TRAPPC8: variants seen among roughly 807,000 people sequenced by gnomAD.
TRAPPC8 encodes trafficking protein particle complex subunit 8.
TRAPPC8 carries 54 observed loss-of-function variants against 174.3 expected under a neutral mutation model. The observed-to-expected ratio is 0.31, with a 90% CI of 0.25 to 0.39. The LOEUF (loss-of-function observed/expected upper bound fraction) is 0.39. TRAPPC8 is among the 10% of genes least tolerant of loss of function. The pLI is 1.00. For missense variants in TRAPPC8, 1,531 were observed against 1,699.1 expected, an observed-to-expected ratio of 0.90 and a Z score of 1.74; for synonymous variants, 630 against 579.9, an observed-to-expected ratio of 1.09 and a Z score of -1.24.
At chr18:31,897,132 G>A (rs185227880) in intron 11 of TRAPPC8, among the ~76,000 whole-genome samples, 3 of 152,120 alleles carry the variant, frequency 2.0e-5, no homozygotes, top group African/African-American at 4.8e-5. Flanking sequence ...GTTTGATTTT[G>A]TTCCTTCGTT....
chr18:31,870,350 C>T (rs1425658557), intron 16 of TRAPPC8, 22 bp downstream of exon 16: 1 of 1,592,930 alleles, frequency 6.3e-7, no homozygotes. Context: ...AACATAATTA[C>T]AAATACCTTT....
intron 9 of TRAPPC8, among the ~76,000 whole-genome samples, chr18:31,904,452 GA>G (rs1403481801): frequency 6.6e-6 from 1 of 152,136 alleles, no homozygotes; most frequent in African/African-American, 2.4e-5. Flanking sequence ...GGGAGGCTGA[GA>G]GGGGAGAATA....
chr18:31,900,485 T>A (rs1214196154), intron 10 of TRAPPC8, among the ~76,000 whole-genome samples: 4 of 152,130 alleles, frequency 2.6e-5, no homozygotes, highest in Non-Finnish European at 4.4e-5. Context: ...CCATCAAATA[T>A]CCCATGAAAT....
At chr18:31,900,869 AAAAGAAC>A (rs2036391199) in intron 10 of TRAPPC8, 49 bp downstream of exon 10, 2 of 1,417,344 alleles carry the variant, frequency 1.4e-6, no homozygotes, top group Admixed American at 2.4e-5. Flanking sequence ...AAAAAAAAAA[AAAAGAAC>A]AAACTGACCT....
chr18:31,919,914 T>C (rs906380005), intron 2 of TRAPPC8, among the ~76,000 whole-genome samples: 1 of 151,754 alleles, frequency 6.6e-6, no homozygotes, highest in Admixed American at 6.6e-5. Flanking sequence ...CCAGAAAACA[T>C]TACAATCTAC....
chr18:31,873,536 A>G lies in TRAPPC8; in HGVS notation c.1956T>C (p.Asn652=), dbSNP rs1157895063. 6.2e-7 allele frequency: 1 copy of G among 1,603,206 alleles called. No homozygotes were observed. Among genetic ancestry groups the G allele is most frequent in the South Asian group, 1.1e-5 (1 of 88,480 alleles). ...FLREYLYVYK[N]VSQLSPDGPL... ...GACCATCTGGTGACAGCTGACTTACATTCTGAGAGAAATATAAAAGGGAAA... is the reference window on the plus strand; with the variant it reads ...GACCATCTGGTGACAGCTGACTTACGTTCTGAGAGAAATATAAAAGGGAAA... The change falls in exon 14 of 29, where the codon AAT becomes AAC. Residue 652 remains asparagine (N), a splice_region_variant and synonymous_variant. Coordinates refer to ENST00000283351, the MANE Select transcript of TRAPPC8 (RefSeq NM_014939.5).
At chr18:31,864,521 T>A in intron 19 of TRAPPC8, 106 bp downstream of exon 19, 1 of 1,045,850 alleles carries the variant, frequency 9.6e-7, no homozygotes, top group Non-Finnish European at 1.4e-6. Flanking sequence ...AATTTAAAAG[T>A]ATAGTTCAAT....
chr18:31,877,988 C>A (rs1394126080), intron 12 of TRAPPC8, among the ~76,000 whole-genome samples: 1 of 151,416 alleles, frequency 6.6e-6, no homozygotes, highest in African/African-American at 2.4e-5. Flanking sequence ...AGGCCCAATT[C>A]CCCCTCCCTA....
Position 31,830,962 on chromosome 18 carries a change from T to C in TRAPPC8, c.4101A>G (p.Ser1367=). Residue 1367 remains serine (S), a synonymous_variant, in exon 29 of 29, where the codon TCA becomes TCG. Coordinates refer to ENST00000283351, the MANE Select transcript of TRAPPC8 (RefSeq NM_014939.5). The part of the protein sequence containing the change: ...TSPEALEIHG[S]FTWLGQTQYK... ...ACTGTGTTTGTCCAAGCCATGTGAA[T>C]GATCCATGGATTTCCAGTGCTTCTG... 1 of 1,613,728 alleles carries C rather than the reference T, an allele frequency of 6.2e-7. No individual in the cohort carries two copies. Among genetic ancestry groups the C allele is most frequent in the South Asian group, 1.1e-5 (1 of 91,060 alleles).
chr18:31,883,248 G>C (rs1262903106), intron 12 of TRAPPC8: 1 of 147,724 alleles, frequency 6.8e-6, no homozygotes, highest in South Asian at 2.1e-4. Flanking sequence ...AAAAAAGAGA[G>C]AGGTACAGAC....
At chr18:31,837,851 C>CG (rs1220449313) in intron 27 of TRAPPC8, among the ~76,000 whole-genome samples, 1 of 151,360 alleles carries the variant, frequency 6.6e-6, no homozygotes, top group Non-Finnish European at 1.5e-5. Context: ...CTGACTCTTA[C>CG]TAACACAGTA....
At chr18:31,942,464 A>T in intron 1 of TRAPPC8, 144 bp downstream of exon 1, 3 of 1,105,308 alleles carry the variant, frequency 2.7e-6, no homozygotes, top group Non-Finnish European at 3.6e-6. Flanking sequence ...CCGCCCCCGG[A>T]GCACCGCGGG....
intron 2 of TRAPPC8, among the ~76,000 whole-genome samples, chr18:31,921,182 T>C (rs953117918): frequency 6.6e-6 from 1 of 152,026 alleles, no homozygotes; most frequent in Non-Finnish European, 1.5e-5. Flanking sequence ...AAGGAAAATA[T>C]GAAGAGCCAT....
chr18:31,893,380 G>GGTGGGTGTGTGT (rs1555672485), intron 11 of TRAPPC8, among the ~76,000 whole-genome samples: 31 of 149,736 alleles, frequency 2.1e-4, no homozygotes, highest in African/African-American at 7.4e-4. Flanking sequence ...TTTGCTTCTA[G>GGTGGGTGTGTGT]GTGTGTGTGT....
At chr18:31,835,903 T>C (rs1381473814) in intron 27 of TRAPPC8, among the ~76,000 whole-genome samples, 2 of 152,262 alleles carry the variant, frequency 1.3e-5, no homozygotes, top group Non-Finnish European at 1.5e-5. Context: ...AGGTAGCAGC[T>C]GCTCCTTTGG....
At chr18:31,927,204 C>T (rs571735401) in intron 2 of TRAPPC8, among the ~76,000 whole-genome samples, 2 of 152,230 alleles carry the variant, frequency 1.3e-5, no homozygotes, top group Admixed American at 1.3e-4. Context: ...ACTTCACAGG[C>T]TCAAGCAATC....
chr18:31,849,172 A>C (rs747921704), intron 25 of TRAPPC8, among the ~76,000 whole-genome samples: 8 of 152,174 alleles, frequency 5.3e-5, no homozygotes, highest in Non-Finnish European at 7.4e-5. Context: ...ATAAAAGAGA[A>C]GAGAAGGTAA....
chr18:31,830,775 T>A lies in TRAPPC8; in HGVS notation c.4288A>T (p.Ile1430Phe). 1.2e-6 allele frequency: 2 copies of A among 1,613,690 alleles called. No individual in the cohort carries two copies. Among genetic ancestry groups the A allele is most frequent in the Non-Finnish European group, 1.7e-6 (2 of 1,179,788 alleles). Residue 1430 changes from isoleucine (I) to phenylalanine (F), a missense_variant, in exon 29 of 29, where the codon ATC (isoleucine) becomes TTC (phenylalanine). Transcript: ENST00000283351. ...TSQQNSMPAL[I>F]IISNV ...AGTTGTCACACATTACTGATGATGA[T>A]CAGGGCAGGCATGGAATTCTGCTGA... is the stretch of plus-strand genomic sequence containing the variant.
In TRAPPC8 at chr18:31,866,729, A is replaced by G. The variant is rs993160641; in HGVS notation, c.2590+120T>C. ...AAATTTGTCATTCTTACATCTGGCTAAATGTCTTTACTTAACGATACATTA... is the reference window on the plus strand; with the variant it reads ...AAATTTGTCATTCTTACATCTGGCTGAATGTCTTTACTTAACGATACATTA... On this transcript the variant is annotated intron_variant, in intron 18 of 28. Transcript: ENST00000283351. 7 of 1,134,718 alleles carry G rather than the reference A, an allele frequency of 6.2e-6. No individual in the cohort carries two copies. In the East Asian group the frequency reaches 1.9e-4, roughly 31 times the overall value. 70.3% of individuals were successfully genotyped at this position (1,134,718 alleles called of 1,614,324 possible).
Sources: gnomAD v4.1 joint callset for allele counts (sites outside exome capture counted in the v4.1 genomes callset) on GRCh38, gnomAD v4.1.1 for gene constraint, MANE v1.5 for transcripts, NCBI Gene and HGNC (gene_info 2026-07-23, HGNC 2026-07-21) for gene names.